Variants in FCRL1 observed in about 807,000 individuals in gnomAD.
FCRL1 encodes the protein Fc receptor like 1, also known as Fc receptor-like protein 1.
A neutral mutation model predicts 49.2 loss-of-function variants in FCRL1; 34 were observed. The ratio of observed to expected loss-of-function variants is 0.69; its 90% CI spans 0.53 to 0.92. The LOEUF (loss-of-function observed/expected upper bound fraction) is 0.92, where lower values mean the gene tolerates loss of function less well. Ranked by LOEUF, FCRL1 falls within the 40% of genes least tolerant of loss-of-function variation. The pLI is 0.00. For missense variants in FCRL1, 524 were observed against 524.1 expected, an observed-to-expected ratio of 1.00 and a Z score of 0.00; for synonymous variants, 218 against 201.6, an observed-to-expected ratio of 1.08 and a Z score of -0.69.
At chr1:157,815,205 A>G (rs1362506209) in intron 1 of FCRL1, among the ~76,000 whole-genome samples, 1 of 151,906 alleles carries the variant, frequency 6.6e-6, no homozygotes, top group Non-Finnish European at 1.5e-5. Context: ...ATATTTGAGG[A>G]AGCAAAATGT....
Position 157,798,264 on chromosome 1 carries a change from G to A in FCRL1, c.1032-21C>T, listed in dbSNP as rs753345103. On this transcript the variant is annotated intron_variant, in intron 7 of 10. Transcript: ENST00000368176. ...GGCTCCTGCAAACACAGAGACACAT[G>A]TTATTTATCTGAAATTGCATCCCAG... 1.9e-6 allele frequency: 3 copies of A among 1,573,070 alleles called. 1 individual carries two copies. The South Asian group carries it at 3.5e-5, about 18-fold the overall frequency.
At chr1:157,806,735 A>C (rs2101867368) in intron 2 of FCRL1, 1 of 185,938 alleles carries the variant, frequency 5.4e-6, no homozygotes, top group Admixed American at 6.2e-5. Flanking sequence ...TGGGAATTGG[A>C]GCTCCTGAGG....
At chr1:157,805,960 T>C (rs1653372142) in intron 2 of FCRL1, among the ~76,000 whole-genome samples, 1 of 152,166 alleles carries the variant, frequency 6.6e-6, no homozygotes, top group African/African-American at 2.4e-5. Flanking sequence ...GCTAGGGTGG[T>C]AATGAAGTGG....
chr1:157,800,579 G>T (rs1652279135), intron 6 of FCRL1, among the ~76,000 whole-genome samples: 1 of 152,160 alleles, frequency 6.6e-6, no homozygotes, highest in African/African-American at 2.4e-5. Flanking sequence ...AAATAAATAT[G>T]TAATTACCAG....
chr1:157,801,836 C>T, intron 5 of FCRL1, 79 bp downstream of exon 5: 2 of 1,519,668 alleles, frequency 1.3e-6, no homozygotes, highest in Non-Finnish European at 1.8e-6. Context: ...CCCCCGGAAG[C>T]ACAGTGGCAC....
At chr1:157,819,910 G>A in intron 1 of FCRL1, 97 bp downstream of exon 1, 1 of 1,451,670 alleles carries the variant, frequency 6.9e-7, no homozygotes, top group Non-Finnish European at 9.7e-7. Context: ...AGCATTACCT[G>A]ACAGAACCTT....
intron 1 of FCRL1, among the ~76,000 whole-genome samples, chr1:157,814,119 T>C (rs144542722): frequency 2.0e-5 from 3 of 152,206 alleles, no homozygotes; most frequent in East Asian, 3.9e-4. Context: ...AGGACAATAA[T>C]TACTCCACGA....
chr1:157,798,092 A>G lies in FCRL1; in HGVS notation c.1114+69T>C. ...CAGCAAAGTCAGGTTTGGCTAGCAG[A>G]TGTTATCCCATTGTCCCTTCCCTAG... On this transcript the variant is annotated intron_variant, in intron 8 of 10. Transcript: ENST00000368176. 15 of 1,540,212 alleles carry G rather than the reference A, an allele frequency of 9.7e-6. No homozygotes were observed. In the South Asian group the frequency reaches 1.6e-4, roughly 17 times the overall value.
intron 1 of FCRL1, among the ~76,000 whole-genome samples, chr1:157,807,391 A>G (rs954026972): frequency 6.6e-5 from 10 of 152,046 alleles, no homozygotes; most frequent in African/African-American, 2.4e-4. Context: ...GCACCTGCCC[A>G]CAGAACAACA....
At chr1:157,819,122 A>G (rs1388632655) in intron 1 of FCRL1, among the ~76,000 whole-genome samples, 3 of 152,208 alleles carry the variant, frequency 2.0e-5, no homozygotes, top group African/African-American at 4.8e-5. Context: ...ATGAAGCAAG[A>G]TTACACAATG....
In FCRL1 at chr1:157,804,092, G is replaced by A; in HGVS notation, c.72C>T (p.Ser24=). The change falls in exon 3 of 11, where the codon AGC becomes AGT. Residue 24 remains serine (S), a synonymous_variant. Coordinates refer to ENST00000368176, the MANE Select transcript of FCRL1 (RefSeq NM_052938.5). The stretch of plus-strand genomic sequence containing the variant: ...GGCTCCCCTCTGTGGGATGGGAGGG[G>A]CTGGCTATCAAAAACAGCTCTAGAG... ...CEPAELFLIA[S]PSHPTEGSPV... 1.2e-6 allele frequency: 2 copies of A among 1,614,106 alleles called. No individual in the cohort carries two copies. Among genetic ancestry groups the A allele is most frequent in the Non-Finnish European group, 1.7e-6 (2 of 1,180,014 alleles).
intron 9 of FCRL1, 56 bp downstream of exon 9, chr1:157,797,812 C>G (rs915487995): frequency 6.2e-7 from 1 of 1,613,506 alleles, no homozygotes; most frequent in African/African-American, 1.3e-5. Flanking sequence ...ACTGATTGTT[C>G]TCTTGGTTCT....
intron 2 of FCRL1, among the ~76,000 whole-genome samples, chr1:157,805,575 T>C (rs1225436891): frequency 6.6e-6 from 1 of 152,112 alleles, no homozygotes; most frequent in African/African-American, 2.4e-5. Flanking sequence ...GTAGCACAGC[T>C]CTTGGAGCTA....
intron 8 of FCRL1, 54 bp from the exon 9 acceptor site, chr1:157,797,993 A>C: frequency 6.3e-7 from 1 of 1,578,352 alleles, no homozygotes. Flanking sequence ...CTGTCTTTCA[A>C]ATTACTCCAT....
In FCRL1 at chr1:157,801,463, A is replaced by G; in HGVS notation, c.1001T>C (p.Ile334Thr). 1 of 1,599,790 alleles carries G rather than the reference A, an allele frequency of 6.3e-7. No homozygotes were observed. The highest frequency in any genetic ancestry group is 8.6e-7 in the Non-Finnish European group (1 of 1,167,846). The change falls in exon 6 of 11, where the codon ATA (isoleucine) becomes ACA (threonine). Residue 334 changes from isoleucine (I) to threonine (T), a missense_variant and splice_region_variant. Ile to Thr is a moderately conservative substitution (Grantham distance 89). Transcript: ENST00000368176. ...LLFCYGLKRK[I>T]GRRSARDPLR... ...TGCCACTCTCTTTAAATACTAACCTATTTTTCTTTTGAGGCCGTAGCAAAA... is the reference window on the plus strand; with the variant it reads ...TGCCACTCTCTTTAAATACTAACCTGTTTTTCTTTTGAGGCCGTAGCAAAA...
At chr1:157,802,236 C>T (rs773878952) in intron 4 of FCRL1, 43 bp from the exon 5 acceptor site, 39 of 1,590,186 alleles carry the variant, frequency 2.5e-5, no homozygotes, top group Admixed American at 3.5e-5. Flanking sequence ...TCTGACAATG[C>T]AGCAAACTCA....
chr1:157,802,811 C>G (rs1652758267), intron 3 of FCRL1, 147 bp from the exon 4 acceptor site: 5 of 764,764 alleles, frequency 6.5e-6, no homozygotes, highest in Non-Finnish European at 1.0e-5. Context: ...GAGGGGTCTG[C>G]TGATTGGTTG....
chr1:157,796,198 G>C, intron 10 of FCRL1, 28 bp from the exon 11 acceptor site: 1 of 1,595,248 alleles, frequency 6.3e-7, no homozygotes. Context: ...GACTAGAGCA[G>C]GGAAGACAAG....
At chr1:157,809,554 T>G (rs1654003181) in intron 1 of FCRL1, among the ~76,000 whole-genome samples, 1 of 152,184 alleles carries the variant, frequency 6.6e-6, no homozygotes, top group African/African-American at 2.4e-5. Context: ...GTTCAAGCGA[T>G]TCTCCTGCCT....
Sources: gnomAD v4.1 joint callset for allele counts (sites outside exome capture counted in the v4.1 genomes callset) on GRCh38, gnomAD v4.1.1 for gene constraint, MANE v1.5 for transcripts, NCBI Gene and HGNC (gene_info 2026-07-23, HGNC 2026-07-21) for gene names.